Variants in GOLIM4 observed in about 807,000 individuals in gnomAD.
GOLIM4 encodes golgi integral membrane protein 4.
Under a neutral mutation model 107.4 loss-of-function variants are expected in GOLIM4, and 71 were observed. The observed-to-expected ratio is 0.66, with a 90% CI of 0.55 to 0.81. The LOEUF (loss-of-function observed/expected upper bound fraction) is 0.81. GOLIM4 is among the 30% of genes least tolerant of loss of function. The probability of loss-of-function intolerance (pLI) is 0.00; values close to 1 mark genes in which losing one functional copy is unlikely to be tolerated. For missense variants in GOLIM4, 830 were observed against 826.1 expected (o/e 1.00, Z -0.06); for synonymous variants, 327 against 294.8 (o/e 1.11, Z -1.12).
chr3:168,041,334 C>A lies in GOLIM4; in HGVS notation c.600+58G>T. The A allele has an allele frequency of 4.0e-6, 4 of 994,606 alleles. No homozygotes were observed. In the South Asian group the frequency reaches 5.4e-5, roughly 13 times the overall value. The allele number at this position is 994,606 out of a possible 1,614,324, so 61.6% of individuals were successfully genotyped here. A position where few individuals can be genotyped will look rare whatever the true frequency, so the allele number is the denominator to read the frequency against. ...CAATTAGGGAATGACTTTTTAAAGT[C>A]ATTCTACCAAATAAAGCAGGCAAAC... On this transcript the variant is annotated intron_variant, in intron 6 of 15. Transcript: ENST00000470487.
At chr3:168,043,889 C>T (rs994616738) in intron 4 of GOLIM4, among the ~76,000 whole-genome samples, 3 of 152,178 alleles carry the variant, frequency 2.0e-5, no homozygotes, top group African/African-American at 7.2e-5. Flanking sequence ...TTTCCTCTTT[C>T]GATCTGATGT....
At chr3:168,023,067 T>C (rs903895791) in intron 14 of GOLIM4, among the ~76,000 whole-genome samples, 6 of 152,178 alleles carry the variant, frequency 3.9e-5, no homozygotes, top group Non-Finnish European at 7.3e-5. Context: ...CTGATCATAA[T>C]ATAAAATTGA....
chr3:168,075,656 T>C (rs1721051042), intron 1 of GOLIM4, among the ~76,000 whole-genome samples: 2 of 152,148 alleles, frequency 1.3e-5, no homozygotes, highest in South Asian at 2.1e-4. Context: ...TCTGGAAATA[T>C]TCTGAGCAAG....
intron 1 of GOLIM4, among the ~76,000 whole-genome samples, chr3:168,069,978 T>C (rs1358872445): frequency 6.6e-6 from 1 of 152,060 alleles, no homozygotes; most frequent in East Asian, 1.9e-4. Flanking sequence ...CTCTAACTTG[T>C]TTTCCTAGAA....
intron 12 of GOLIM4, 92 bp downstream of exon 12, chr3:168,027,636 C>G: frequency 2.6e-6 from 2 of 766,498 alleles, no homozygotes; most frequent in Non-Finnish European, 2.3e-6. Context: ...ACAGAAATAT[C>G]TGGGGCTGAA....
At chr3:168,089,363 T>G (rs1721783856) in intron 1 of GOLIM4, among the ~76,000 whole-genome samples, 1 of 152,196 alleles carries the variant, frequency 6.6e-6, no homozygotes, top group South Asian at 2.1e-4. Flanking sequence ...ACACTTGTGG[T>G]CTAAATTGCT....
intron 1 of GOLIM4, among the ~76,000 whole-genome samples, chr3:168,080,547 T>A (rs1359128458): frequency 6.6e-6 from 1 of 152,200 alleles, no homozygotes; most frequent in Non-Finnish European, 1.5e-5. Context: ...TCCATCTCTT[T>A]AAGGCTTACT....
At chr3:168,060,426 C>A (rs1720200005) in intron 1 of GOLIM4, among the ~76,000 whole-genome samples, 1 of 152,160 alleles carries the variant, frequency 6.6e-6, no homozygotes, top group Non-Finnish European at 1.5e-5. Flanking sequence ...CAAGATCAAA[C>A]TACTGCATGT....
chr3:168,057,394 G>T (rs1720038355), intron 1 of GOLIM4, among the ~76,000 whole-genome samples: 1 of 152,204 alleles, frequency 6.6e-6, no homozygotes, highest in Non-Finnish European at 1.5e-5. Context: ...ACCTGAGACT[G>T]GGTAACTTAT....
chr3:168,082,433 A>G (rs1721420051), intron 1 of GOLIM4, among the ~76,000 whole-genome samples: 1 of 152,140 alleles, frequency 6.6e-6, no homozygotes, highest in African/African-American at 2.4e-5. Context: ...GTCTCCCTAT[A>G]AAGGGCCACA....
At chr3:168,056,263 C>T (rs1174445477) in intron 1 of GOLIM4, among the ~76,000 whole-genome samples, 2 of 152,184 alleles carry the variant, frequency 1.3e-5, no homozygotes, top group African/African-American at 4.8e-5. Flanking sequence ...TGTGGGTGCA[C>T]AGAAGTCAAG....
chr3:168,066,130 T>A (rs1720529567), intron 1 of GOLIM4, among the ~76,000 whole-genome samples: 1 of 151,968 alleles, frequency 6.6e-6, no homozygotes, highest in Non-Finnish European at 1.5e-5. Flanking sequence ...TAACATCTTT[T>A]TAGCTGAAGG....
At chr3:168,018,777 T>C (rs1717516002) in intron 14 of GOLIM4, among the ~76,000 whole-genome samples, 1 of 152,150 alleles carries the variant, frequency 6.6e-6, no homozygotes, top group African/African-American at 2.4e-5. Context: ...TTTACAGCCT[T>C]AATAATGAAA....
chr3:168,063,441 TAC>T (rs1720370554), intron 1 of GOLIM4, among the ~76,000 whole-genome samples: 1 of 152,134 alleles, frequency 6.6e-6, no homozygotes, highest in Non-Finnish European at 1.5e-5. Context: ...GAAAGAAAGG[TAC>T]AGAGATTTCC....
chr3:168,037,020 G>A, intron 7 of GOLIM4, 26 bp from the exon 8 acceptor site: 1 of 1,581,342 alleles, frequency 6.3e-7, no homozygotes, highest in Non-Finnish European at 8.7e-7. Context: ...ACAATTTGAG[G>A]AGGGAATCTA....
chr3:168,080,163 A>G (rs1434715267), intron 1 of GOLIM4, among the ~76,000 whole-genome samples: 2 of 152,180 alleles, frequency 1.3e-5, no homozygotes, highest in African/African-American at 4.8e-5. Context: ...ATATGATTAG[A>G]GCTGCGGAGA....
chr3:168,095,024 A>G (rs1314533936), intron 1 of GOLIM4, 75 bp downstream of exon 1: 2 of 1,216,284 alleles, frequency 1.6e-6, no homozygotes, highest in Non-Finnish European at 2.3e-6. Context: ...ATAGCTCACC[A>G]AAGCCACTTT....
At chr3:168,081,282 C>T (rs191414094) in intron 1 of GOLIM4, among the ~76,000 whole-genome samples, 71 of 152,288 alleles carry the variant, frequency 4.7e-4, no homozygotes, top group Admixed American at 1.7e-3. Flanking sequence ...GGACCCAATC[C>T]TTATGGAGCC....
rs568095640 is a variant in GOLIM4 at position 168,034,727 on chromosome 3, G to T, written c.844-1875C>A. Among the ~76,000 whole-genome samples the T allele has an allele frequency of 3.2e-4, 49 of 152,274 alleles. No homozygotes were observed. The South Asian group carries it at 4.8e-3, about 15-fold the overall frequency. ...ACGTGTTGTGGGAAGAACCCGGTTAGAGGTAACTCAATCATGGGGTCAAGT... is the reference window on the plus strand; with the variant it reads ...ACGTGTTGTGGGAAGAACCCGGTTATAGGTAACTCAATCATGGGGTCAAGT... On this transcript the variant is annotated intron_variant, in intron 8 of 15. Transcript: ENST00000470487.
Sources: allele counts gnomAD v4.1 joint callset (sites outside exome capture counted in the v4.1 genomes callset), GRCh38; gene constraint gnomAD v4.1.1; transcripts MANE v1.5; gene names NCBI Gene and HGNC (gene_info 2026-07-23, HGNC 2026-07-21).